LMBRD2: variants seen among roughly 807,000 people sequenced by gnomAD.
The protein encoded by LMBRD2 is G protein-coupled receptor-associated protein LMBRD2.
LMBRD2 carries 55 observed loss-of-function variants against 94.4 expected under a neutral mutation model. That is an observed-to-expected ratio of 0.58 (90% CI 0.47 to 0.73). The LOEUF (loss-of-function observed/expected upper bound fraction) is 0.73. Among genes scored for constraint, LMBRD2 ranks in the 30% least tolerant of loss-of-function variants. LMBRD2 has a pLI of 0.00. For synonymous variants in LMBRD2, 246 were observed against 272.4 expected, an observed-to-expected ratio of 0.90 and a Z score of 0.95; for missense variants, 640 against 831.9, an observed-to-expected ratio of 0.77 and a Z score of 2.84.
At chr5:36,137,582 T>C (rs968563380) in intron 4 of LMBRD2, 141 bp from the exon 5 acceptor site, 2 of 506,876 alleles carry the variant, frequency 3.9e-6, no homozygotes, top group African/African-American at 3.8e-5. Context: ...TCATGAATAC[T>C]TAATAACTAT....
intron 3 of LMBRD2, 77 bp from the exon 4 acceptor site, chr5:36,141,279 C>A: frequency 2.5e-6 from 2 of 791,134 alleles, no homozygotes; most frequent in Non-Finnish European, 4.2e-6. Context: ...TGCATGTGGC[C>A]AAGTTAATTT....
At chr5:36,124,152 G>A (rs1743950637) in intron 7 of LMBRD2, 39 bp downstream of exon 7, 1 of 1,161,158 alleles carries the variant, frequency 8.6e-7, no homozygotes, top group African/African-American at 1.5e-5. Flanking sequence ...TTATATAAGT[G>A]TATATTTCAA....
At chr5:36,127,543 GAAGGGA>G (rs1366059130) in intron 6 of LMBRD2, among the ~76,000 whole-genome samples, 1 of 152,200 alleles carries the variant, frequency 6.6e-6, no homozygotes, top group Admixed American at 6.5e-5. Context: ...CCAGTGCCCT[GAAGGGA>G]AAGTCCCAGG....
At chr5:36,132,680 G>T (rs201469486) in intron 6 of LMBRD2, among the ~76,000 whole-genome samples, 1 of 87,716 alleles carries the variant, frequency 1.1e-5, no homozygotes, top group South Asian at 3.3e-4. Flanking sequence ...AAAAAAAAAA[G>T]ACATACAAAT....
In LMBRD2 at chr5:36,103,569, GTTATTA is replaced by G. The variant is rs1340199692; in HGVS notation, c.*471_*476del. On this transcript the variant is annotated 3_prime_UTR_variant, in exon 18 of 18. Transcript: ENST00000296603. ...TTAAGACACGAGTTTTATGAATACA[GTTATTA>G]TTTGAGGTCTCCATTCACTTACATT... The G allele has an allele frequency of 6.6e-6, 1 of 152,396 alleles. No individual in the cohort carries two copies. The highest frequency in any genetic ancestry group is 1.5e-5 in the Non-Finnish European group (1 of 67,906). The allele number at this position is 152,396 out of a possible 1,614,324, so 9.4% of individuals were successfully genotyped here.
chr5:36,145,362 A>G (rs747740964), intron 1 of LMBRD2, among the ~76,000 whole-genome samples: 3 of 152,256 alleles, frequency 2.0e-5, no homozygotes, highest in Non-Finnish European at 4.4e-5. Flanking sequence ...TTCATATTCT[A>G]TGAAACAACT....
rs538285441 is a variant in LMBRD2 at position 36,149,697 on chromosome 5, G to A, written c.-58+1859C>T. ...TGAGGTGGGTGGATCATCTGAGGTC[G>A]GGAGTTCGAGACCAGCCTGACCAAC... On this transcript the variant is annotated intron_variant, in intron 1 of 17. Coordinates refer to ENST00000296603, the MANE Select transcript of LMBRD2 (RefSeq NM_001007527.2). 1.3e-3 allele frequency among the ~76,000 whole-genome samples: 203 copies of A among 152,232 alleles called. 1 individual carries two copies. The highest frequency in any genetic ancestry group is 4.7e-3 in the African/African-American group (197 of 41,528).
chr5:36,130,091 A>T (rs1043218810), intron 6 of LMBRD2, among the ~76,000 whole-genome samples: 1 of 152,166 alleles, frequency 6.6e-6, no homozygotes, highest in Non-Finnish European at 1.5e-5. Flanking sequence ...AATGTAAATG[A>T]CGAGTTAATG....
At chr5:36,129,570 A>G in intron 6 of LMBRD2, among the ~76,000 whole-genome samples, 1 of 152,214 alleles carries the variant, frequency 6.6e-6, no homozygotes, top group Non-Finnish European at 1.5e-5. Flanking sequence ...AAAAGCTGAG[A>G]GATTTCGTCC....
At chr5:36,112,302 C>A (rs963366539) in intron 13 of LMBRD2, among the ~76,000 whole-genome samples, 2 of 152,106 alleles carry the variant, frequency 1.3e-5, no homozygotes, top group African/African-American at 4.8e-5. Flanking sequence ...GAGTACTATA[C>A]TCCGGGATGA....
intron 10 of LMBRD2, among the ~76,000 whole-genome samples, chr5:36,117,111 G>A (rs1333783506): frequency 1.3e-5 from 2 of 151,462 alleles, no homozygotes; most frequent in Non-Finnish European, 2.9e-5. Context: ...CAAAAGTTTC[G>A]AATCTACCTT....
Position 36,124,197 on chromosome 5 carries a change from A to T in LMBRD2, c.816T>A (p.Leu272=). The stretch of plus-strand genomic sequence containing the variant: ...GACAAGATGATTTCATTACCTTTTT[A>T]AGTATTGTATCAACACATTTTCTCA... ...HPLRKCVDTI[L]KKCPTEYQEK... The change falls in exon 7 of 18, where the codon CTT becomes CTA. Residue 272 remains leucine, a synonymous_variant. Transcript: ENST00000296603. 6.5e-7 allele frequency: 1 copy of T among 1,541,910 alleles called. No homozygotes were observed. Among genetic ancestry groups the T allele is most frequent in the Non-Finnish European group, 8.9e-7 (1 of 1,117,764 alleles).
chr5:36,145,070 T>A (rs1744505931), intron 1 of LMBRD2, among the ~76,000 whole-genome samples: 1 of 152,170 alleles, frequency 6.6e-6, no homozygotes, highest in South Asian at 2.1e-4. Flanking sequence ...CCTCTCCCCT[T>A]ACCCCAGAGA....
chr5:36,151,887 CA>C (rs1397977938), upstream of LMBRD2: 1 of 304,436 alleles, frequency 3.3e-6, no homozygotes, highest in Non-Finnish European at 6.2e-6. This position sits in a 1 kb window ranked among gnomAD's most constrained non-coding sequence, Gnocchi z 4.7. Context: ...ATTTCCCAGT[CA>C]GCCGTAGCGC....
intron 9 of LMBRD2, among the ~76,000 whole-genome samples, chr5:36,118,764 C>T (rs958636367): frequency 6.6e-6 from 1 of 151,734 alleles, no homozygotes; most frequent in Admixed American, 6.6e-5. Flanking sequence ...GATTCTCCTG[C>T]CTCAGCCTCC....
chr5:36,101,577 G>A lies in LMBRD2; in HGVS notation c.*2469C>T, dbSNP rs1228405951. 1 of 151,876 alleles carries A rather than the reference G, an allele frequency of 6.6e-6. No homozygotes were observed. Among genetic ancestry groups the A allele is most frequent in the Non-Finnish European group, 1.5e-5 (1 of 67,842 alleles). 9.4% of individuals were successfully genotyped at this position (151,876 alleles called of 1,614,324 possible). A position where few individuals can be genotyped will look rare whatever the true frequency, so the allele number is the denominator to read the frequency against. ...CCCATTACAGTTTTTTACACAGGGT[G>A]GCTTGACAAATATTAACTTGGTTCC... is the stretch of plus-strand genomic sequence containing the variant. On this transcript the variant is annotated 3_prime_UTR_variant, in exon 18 of 18. Transcript: ENST00000296603.
At chr5:36,145,908 A>G (rs767886898) in intron 1 of LMBRD2, among the ~76,000 whole-genome samples, 74 of 152,240 alleles carry the variant, frequency 4.9e-4, no homozygotes, top group Admixed American at 9.2e-4. Context: ...ATTTTTACAT[A>G]AGCATAAAAA....
intron 9 of LMBRD2, among the ~76,000 whole-genome samples, chr5:36,121,837 G>A (rs1172664227): frequency 2.6e-5 from 4 of 152,112 alleles, no homozygotes; most frequent in Non-Finnish European, 5.9e-5. Flanking sequence ...ATTCAGTACA[G>A]TAACATGCTG....
At chr5:36,146,945 T>TGTGTGTGTGTGTGA (rs1744562602) in intron 1 of LMBRD2, among the ~76,000 whole-genome samples, 4 of 87,810 alleles carry the variant, frequency 4.6e-5, no homozygotes, top group Non-Finnish European at 9.4e-5. Flanking sequence ...TGTGTGAGTG[T>TGTGTGTGTGTGTGA]GTGTGTGTGT....
Sources: allele counts gnomAD v4.1 joint callset (sites outside exome capture counted in the v4.1 genomes callset), GRCh38; gene constraint gnomAD v4.1.1; non-coding constraint Gnocchi (gnomAD v3.1); transcripts MANE v1.5; gene names NCBI Gene and HGNC (gene_info 2026-07-23, HGNC 2026-07-21).